The following SH3TC1 variants were observed in gnomAD, a reference collection of about 807,000 sequenced individuals.
SH3TC1 encodes the protein SH3 domain and tetratricopeptide repeat-containing protein 1.
Under a neutral mutation model 117.3 loss-of-function variants are expected in SH3TC1, and 135 were observed. That is an observed-to-expected ratio of 1.15 (90% CI 1.00 to 1.33). The LOEUF is 1.33. SH3TC1 is among the 40% of genes most tolerant of loss of function. The pLI, the probability that SH3TC1 is intolerant of heterozygous loss-of-function variation, is 0.00. For synonymous variants in SH3TC1, 898 were observed against 816.9 expected, an observed-to-expected ratio of 1.10 and a Z score of -1.69; for missense variants, 2,092 against 1,794.3, an observed-to-expected ratio of 1.17 and a Z score of -3.00.
At chr4:8,207,674 T>C (rs1462286991) in intron 2 of SH3TC1, among the ~76,000 whole-genome samples, 1 of 152,216 alleles carries the variant, frequency 6.6e-6, no homozygotes, top group Non-Finnish European at 1.5e-5. Context: ...ACTATATACA[T>C]CATTACCTAT....
At chr4:8,218,918 C>T (rs529501306) in intron 8 of SH3TC1, among the ~76,000 whole-genome samples, 6 of 151,938 alleles carry the variant, frequency 3.9e-5, no homozygotes, top group Non-Finnish European at 8.8e-5. Context: ...TCAGAGCTGC[C>T]GGTGTCTGGG....
At chr4:8,230,708 A>C (rs538231540) in intron 12 of SH3TC1, among the ~76,000 whole-genome samples, 2 of 150,286 alleles carry the variant, frequency 1.3e-5, no homozygotes, top group Non-Finnish European at 3.0e-5. Flanking sequence ...CTTTCTTTGC[A>C]TGTAGACATT....
At position 8,223,090 on chromosome 4, in the gene SH3TC1, A is replaced by G. The variant is rs984909598; in HGVS notation, c.1243+120A>G. ...CCTGGATGCTGAAAGGTGAACAGACAGAGGCTGCCGCTGCCTCCAGGGCAC... is the reference window on the plus strand; with the variant it reads ...CCTGGATGCTGAAAGGTGAACAGACGGAGGCTGCCGCTGCCTCCAGGGCAC... On this transcript the variant is annotated intron_variant, in intron 10 of 17. Coordinates refer to ENST00000245105, the MANE Select transcript of SH3TC1 (RefSeq NM_018986.5). 1.1e-5 allele frequency: 15 copies of G among 1,383,782 alleles called. No homozygotes were observed. The African/African-American group carries it at 1.3e-4, about 12-fold the overall frequency. 85.7% of individuals were successfully genotyped at this position (1,383,782 alleles called of 1,614,324 possible).
Position 8,227,782 on chromosome 4 carries a change from G to C in SH3TC1, c.2088G>C (p.Arg696Ser). The stretch of plus-strand genomic sequence containing the variant: ...TAGAGCGGCTGCTGCTTTTGCACAG[G>C]GACTCGGGAGCCCCAGAGGCCGCGT... ...PFLERLLLLH[R>S]DSGAPEAAWL... Residue 696 changes from arginine (R) to serine (S), a missense_variant, in exon 12 of 18, where the codon AGG (arginine) becomes AGC (serine). Transcript: ENST00000245105. The C allele has an allele frequency of 6.2e-7, 1 of 1,612,640 alleles. No individual in the cohort carries two copies. Among genetic ancestry groups the C allele is most frequent in the South Asian group, 1.1e-5 (1 of 91,068 alleles).
intron 12 of SH3TC1, among the ~76,000 whole-genome samples, chr4:8,229,681 C>T (rs890205629): frequency 1.3e-5 from 2 of 151,736 alleles, no homozygotes; most frequent in Non-Finnish European, 2.9e-5. Context: ...CCTAAGGGCA[C>T]TGGGGAGCCA....
chr4:8,188,208 C>A (rs561806455), intron 1 of SH3TC1, among the ~76,000 whole-genome samples: 2 of 152,178 alleles, frequency 1.3e-5, no homozygotes, highest in African/African-American at 4.8e-5. Context: ...CTTTCCCAAC[C>A]CCTCTGCAAT....
chr4:8,231,655 T>A, intron 12 of SH3TC1: 1 of 359,244 alleles, frequency 2.8e-6, no homozygotes, highest in Non-Finnish European at 5.0e-6. Context: ...GGGCTACTTG[T>A]GTCCCTGGCC....
At chr4:8,212,550 T>A in intron 3 of SH3TC1, 151 bp from the exon 4 acceptor site, 1 of 1,068,890 alleles carries the variant, frequency 9.4e-7, no homozygotes, top group Non-Finnish European at 1.3e-6. Context: ...AAGGTTGAGA[T>A]CTAAACCCGG....
chr4:8,216,909 C>A (rs1429400328), intron 6 of SH3TC1, 48 bp from the exon 7 acceptor site: 5 of 1,589,252 alleles, frequency 3.1e-6, no homozygotes, highest in Non-Finnish European at 4.3e-6. Context: ...AGGGCCACAG[C>A]TGCGCCCAGT....
At chr4:8,194,903 C>T (rs547126504), upstream of SH3TC1, among the ~76,000 whole-genome samples, 33 of 152,306 alleles carry the variant, frequency 2.2e-4, no homozygotes, top group South Asian at 6.2e-4. Context: ...CTGCTCCACT[C>T]ACACCTTAGA....
rs528477834 is a variant in SH3TC1, at chr4:8,205,001, C to T, written c.-28-166C>T. On this transcript the variant is annotated intron_variant, in intron 1 of 17. Transcript: ENST00000245105. This position sits in a 1 kb window ranked among gnomAD's most constrained non-coding sequence, Gnocchi z 5.4. ...GAGGCGCAGCAGCGGTGCGGGATCA[C>T]GCCCACCACAACACGGTGCACGGTG... 11 of 470,500 alleles carry T rather than the reference C, an allele frequency of 2.3e-5. No individual in the cohort carries two copies. The highest frequency in any genetic ancestry group is 1.2e-4 in the South Asian group (2 of 16,230). 29.1% of individuals were successfully genotyped at this position (470,500 alleles called of 1,614,324 possible).
intron 13 of SH3TC1, chr4:8,232,527 C>T (rs1236031266): frequency 7.2e-7 from 1 of 1,379,486 alleles, no homozygotes; most frequent in South Asian, 1.1e-5. Context: ...CACCTGTCCC[C>T]TTAAATGTGA....
chr4:8,235,514 G>T lies in SH3TC1; in HGVS notation c.3364G>T (p.Asp1122Tyr), dbSNP rs1174098809. 3 of 1,606,982 alleles carry T rather than the reference G, an allele frequency of 1.9e-6. No homozygotes were observed. Among genetic ancestry groups the T allele is most frequent in the Non-Finnish European group, 1.7e-6 (2 of 1,175,946 alleles). The change falls in exon 15 of 18, where the codon GAC (aspartate) becomes TAC (tyrosine). Residue 1122 changes from aspartate to tyrosine, a missense_variant. Asp to Tyr is a radical substitution (Grantham distance 160). Transcript: ENST00000245105. ...TGAGGCGGCTGGAGACATCTTCTTC[G>T]ACGGGGCCTGGGAGCGGGAGAAAGC... ...LFEAAGDIFF[D>Y]GAWEREKAVS...
At chr4:8,189,406 C>T (rs985468080) in intron 1 of SH3TC1, among the ~76,000 whole-genome samples, 1 of 152,252 alleles carries the variant, frequency 6.6e-6, no homozygotes, top group Non-Finnish European at 1.5e-5. Flanking sequence ...GCCGGGCCGG[C>T]GGCCGGGGTA....
intron 2 of SH3TC1, among the ~76,000 whole-genome samples, chr4:8,207,702 C>T (rs1397860525): frequency 6.6e-6 from 1 of 152,196 alleles, no homozygotes; most frequent in Admixed American, 6.5e-5. Context: ...TTCAAATCAC[C>T]CTAGATTTGG....
chr4:8,237,537 A>C lies in SH3TC1; in HGVS notation c.3620A>C (p.His1207Pro), dbSNP rs755123825. Residue 1207 changes from histidine (H) to proline (P), a missense_variant, in exon 17 of 18, where the codon CAT becomes CCT. Transcript: ENST00000245105. Reference sequence around the variant, plus strand: ...GCCGCCCTGCAACACCGACTGGGCCATGGCGAGCTGGCAGAGCACTTCTAC... The same window carrying C: ...GCCGCCCTGCAACACCGACTGGGCCCTGGCGAGCTGGCAGAGCACTTCTAC... The part of the protein sequence containing the change: ...RLAALQHRLG[H>P]GELAEHFYLK... The C allele has an allele frequency of 6.2e-7, 1 of 1,609,554 alleles. No individual in the cohort carries two copies. The highest frequency in any genetic ancestry group is 2.2e-5 in the East Asian group (1 of 44,692).
At position 8,207,077 on chromosome 4, in the gene SH3TC1, CAAA is replaced by C. The variant is rs34956323; in HGVS notation, c.172+1729_172+1731del. ...TTTATCCCAATAATATCCTTTATAG[CAAA>C]AAAAAAAAAAAAAAAAATTCCTGGG... On this transcript the variant is annotated intron_variant, in intron 2 of 17. Coordinates refer to ENST00000245105, the MANE Select transcript of SH3TC1 (RefSeq NM_018986.5). Among the ~76,000 whole-genome samples, 764 of 138,566 alleles carry C rather than the reference CAAA, an allele frequency of 5.5e-3. 2 individuals are homozygous for C. Among genetic ancestry groups the C allele is most frequent in the South Asian group, 0.011 (48 of 4,240 alleles). 90.9% of individuals were successfully genotyped at this position (138,566 alleles called of 152,430 possible).
Position 8,227,049 on chromosome 4 carries a change from A to G in SH3TC1, c.1355A>G (p.Gln452Arg). Reference sequence around the variant, plus strand: ...CAGAAGGTGAAGAATGTTCTGGAACAATGCAAGACCTGCCCAGGCTGCCCC... The same window carrying G: ...CAGAAGGTGAAGAATGTTCTGGAACGATGCAAGACCTGCCCAGGCTGCCCC... ...TLQKVKNVLE[Q>R]CKTCPGCPQE... The change falls in exon 12 of 18, where the codon CAA (glutamine) becomes CGA (arginine). Residue 452 changes from glutamine (Q) to arginine (R), a missense_variant. Physicochemically the swap from Gln to Arg is conservative, Grantham distance 43. Transcript: ENST00000245105. The G allele has an allele frequency of 1.9e-6, 3 of 1,596,788 alleles. No homozygotes were observed. The South Asian group carries it at 3.4e-5, about 18-fold the overall frequency.
intron 14 of SH3TC1, among the ~76,000 whole-genome samples, chr4:8,234,312 A>G (rs1180986406): frequency 1.3e-5 from 2 of 148,950 alleles, no homozygotes; most frequent in Admixed American, 6.6e-5. Context: ...CCACCCATCT[A>G]CCCATTAATC....
Sources: gnomAD v4.1 joint callset for allele counts (sites outside exome capture counted in the v4.1 genomes callset) on GRCh38, gnomAD v4.1.1 for gene constraint, Gnocchi (gnomAD v3.1) non-coding constraint, MANE v1.5 for transcripts, NCBI Gene and HGNC (gene_info 2026-07-23, HGNC 2026-07-21) for gene names.